The following MTUS1 variants were observed in gnomAD, a reference collection of about 807,000 sequenced individuals.
MTUS1 encodes microtubule-associated tumor suppressor 1.
MTUS1 carries 109 observed loss-of-function variants against 120.8 expected under a neutral mutation model. The observed-to-expected ratio is 0.90, with a 90% CI of 0.77 to 1.06. MTUS1 has a LOEUF of 1.06. Among genes scored for constraint, MTUS1 ranks in the 50% least tolerant of loss-of-function variants. The pLI is 0.00. For synonymous variants in MTUS1, 737 were observed against 550.5 expected (o/e 1.34, Z -4.74); for missense variants, 2,210 against 1,486.3 (o/e 1.49, Z -8.01).
At chr8:17,728,200 A>C (rs2046341304) in intron 3 of MTUS1, among the ~76,000 whole-genome samples, 2 of 152,184 alleles carry the variant, frequency 1.3e-5, no homozygotes, top group Non-Finnish European at 2.9e-5. Flanking sequence ...ATGCAAGATG[A>C]ATACGTCCTA....
chr8:17,680,705 C>A lies in MTUS1; in HGVS notation c.2838+3623G>T, dbSNP rs113083761. 3.0e-3 allele frequency among the ~76,000 whole-genome samples: 459 copies of A among 152,136 alleles called. 7 individuals are homozygous for A. Among genetic ancestry groups the A allele is most frequent in the African/African-American group, 0.011 (449 of 41,504 alleles). On this transcript the variant is annotated intron_variant, in intron 7 of 14. Coordinates refer to ENST00000693296, the MANE Select transcript of MTUS1 (RefSeq NM_001363059.2). ...GATCAACTCTCTCTATAACTGAGCA[C>A]CTGATAAAGGCCTCGGCTTGTGTTT...
At chr8:17,740,557 G>A (rs996922231) in intron 3 of MTUS1, among the ~76,000 whole-genome samples, 1 of 152,156 alleles carries the variant, frequency 6.6e-6, no homozygotes, top group African/African-American at 2.4e-5. Flanking sequence ...TTTTAACTCT[G>A]TGGCGATTAA....
intron 6 of MTUS1, among the ~76,000 whole-genome samples, chr8:17,708,047 G>T (rs380129): frequency 6.6e-6 from 1 of 151,934 alleles, no homozygotes; most frequent in East Asian, 1.9e-4. Flanking sequence ...CTTGGATTAG[G>T]CAACTGTTTC....
At chr8:17,719,192 CATT>C (rs1383108142) in intron 4 of MTUS1, among the ~76,000 whole-genome samples, 4 of 152,230 alleles carry the variant, frequency 2.6e-5, no homozygotes, top group African/African-American at 9.6e-5. Context: ...AAGGGCTTCT[CATT>C]GTTTCAGACT....
intron 6 of MTUS1, among the ~76,000 whole-genome samples, chr8:17,698,226 C>T (rs188709945): frequency 2.2e-3 from 331 of 152,246 alleles, no homozygotes; most frequent in Non-Finnish European, 2.9e-3. Flanking sequence ...ACATTTATTG[C>T]ATGAGTAATT....
At chr8:17,763,215 C>A (rs492508) in intron 1 of MTUS1, among the ~76,000 whole-genome samples, 1 of 151,886 alleles carries the variant, frequency 6.6e-6, no homozygotes, top group African/African-American at 2.4e-5. Flanking sequence ...TGGTCTTGAA[C>A]TCCTGTCCTT....
intron 2 of MTUS1, among the ~76,000 whole-genome samples, chr8:17,749,451 G>C (rs185156348): frequency 6.6e-6 from 1 of 151,996 alleles, no homozygotes; most frequent in Admixed American, 6.6e-5. Context: ...ATGAGGCCAG[G>C]AGTTCGAGAC....
intron 1 of MTUS1, among the ~76,000 whole-genome samples, chr8:17,774,342 G>A (rs2050244710): frequency 6.6e-6 from 1 of 152,292 alleles, no homozygotes; most frequent in Non-Finnish European, 1.5e-5. Flanking sequence ...AAACAAAGGT[G>A]TTGCTTTTCC....
intron 1 of MTUS1, among the ~76,000 whole-genome samples, chr8:17,779,997 A>G (rs781539272): frequency 3.3e-5 from 5 of 151,966 alleles, no homozygotes; most frequent in Non-Finnish European, 5.9e-5. Context: ...TCCAAATCTC[A>G]TGTTGAAATG....
intron 2 of MTUS1, among the ~76,000 whole-genome samples, chr8:17,752,633 G>T (rs1284682388): frequency 6.7e-6 from 1 of 149,798 alleles, no homozygotes; most frequent in Non-Finnish European, 1.5e-5. Context: ...TCCCTCCCTT[G>T]TGGTCCCCAT....
At chr8:17,666,225 T>C (rs2130504921) in intron 8 of MTUS1, among the ~76,000 whole-genome samples, 1 of 150,254 alleles carries the variant, frequency 6.7e-6, no homozygotes, top group Non-Finnish European at 1.5e-5. Flanking sequence ...GATTCAGGCC[T>C]GAGAAAAAGT....
At chr8:17,674,275 CT>C (rs1307930354) in intron 8 of MTUS1, among the ~76,000 whole-genome samples, 1 of 152,046 alleles carries the variant, frequency 6.6e-6, no homozygotes, top group Non-Finnish European at 1.5e-5. Flanking sequence ...CAAAAATTAG[CT>C]GGGTGTGGTG....
At chr8:17,792,649 A>G (rs2051893768) in intron 1 of MTUS1, among the ~76,000 whole-genome samples, 1 of 152,250 alleles carries the variant, frequency 6.6e-6, no homozygotes, top group Admixed American at 6.5e-5. Flanking sequence ...AGATCGCCTG[A>G]GGCCAGGAGA....
intron 3 of MTUS1, among the ~76,000 whole-genome samples, chr8:17,733,359 TA>T (rs33999065): frequency 1.6e-3 from 217 of 138,852 alleles, no homozygotes; most frequent in Non-Finnish European, 2.5e-3. Flanking sequence ...TCAAAAAAAT[TA>T]AAAAAAAAAA....
At chr8:17,649,223 A>T (rs1012714575) in intron 13 of MTUS1, among the ~76,000 whole-genome samples, 5 of 152,074 alleles carry the variant, frequency 3.3e-5, no homozygotes, top group Admixed American at 6.5e-5. Context: ...CACCCGGCTA[A>T]GTTTTATATT....
chr8:17,783,093 A>C (rs191317276), intron 1 of MTUS1, among the ~76,000 whole-genome samples: 75 of 152,116 alleles, frequency 4.9e-4, no homozygotes, highest in Non-Finnish European at 1.9e-4. Flanking sequence ...CAAACAAACA[A>C]ACACACACAC....
intron 8 of MTUS1, among the ~76,000 whole-genome samples, chr8:17,665,197 T>G (rs1175582264): frequency 1.3e-5 from 2 of 152,236 alleles, no homozygotes; most frequent in Admixed American, 6.5e-5. Flanking sequence ...CAGGTTCTTT[T>G]TCTACATTTC....
At chr8:17,800,219 C>T (rs1021545674) in intron 1 of MTUS1, among the ~76,000 whole-genome samples, 1 of 152,230 alleles carries the variant, frequency 6.6e-6, no homozygotes, top group South Asian at 2.1e-4. Context: ...CTGAAATTCA[C>T]TGGTAACACC....
At chr8:17,663,724 T>C (rs1228014751) in intron 8 of MTUS1, among the ~76,000 whole-genome samples, 2 of 152,112 alleles carry the variant, frequency 1.3e-5, no homozygotes, top group African/African-American at 2.4e-5. Flanking sequence ...GCCCCCTGAG[T>C]AGCTGGGATT....
Sources: gnomAD v4.1 joint callset for allele counts (sites outside exome capture counted in the v4.1 genomes callset) on GRCh38, gnomAD v4.1.1 for gene constraint, MANE v1.5 for transcripts, NCBI Gene and HGNC (gene_info 2026-07-23, HGNC 2026-07-21) for gene names.